DLG2: variants seen among roughly 807,000 people sequenced by gnomAD.
DLG2 encodes discs large MAGUK scaffold protein 2.
DLG2 carries 45 observed loss-of-function variants against 132.5 expected under a neutral mutation model. The observed-to-expected ratio is 0.34, with a 90% CI of 0.27 to 0.44. The LOEUF (loss-of-function observed/expected upper bound fraction) is 0.44, where lower values mean the gene tolerates loss of function less well. Among genes scored for constraint, DLG2 ranks in the 20% least tolerant of loss-of-function variants. The pLI is 1.00. For synonymous variants in DLG2, 424 were observed against 419.6 expected (o/e 1.01, Z -0.13); for missense variants, 1,045 against 1,196.9 (o/e 0.87, Z 1.87).
intron 7 of DLG2, among the ~76,000 whole-genome samples, chr11:84,508,045 T>C (rs556516159): frequency 1.2e-4 from 19 of 152,344 alleles, no homozygotes; most frequent in African/African-American, 4.6e-4. Context: ...AAATAATCCT[T>C]TTCAAAATAT....
chr11:85,540,208 C>G (rs928605632), intron 3 of DLG2, among the ~76,000 whole-genome samples: 2 of 152,200 alleles, frequency 1.3e-5, no homozygotes, highest in Non-Finnish European at 2.9e-5. Flanking sequence ...GTGAGGACAG[C>G]CACTCTTGTT....
At chr11:84,159,669 G>T (rs2095503632) in intron 9 of DLG2, among the ~76,000 whole-genome samples, 1 of 152,156 alleles carries the variant, frequency 6.6e-6, no homozygotes, top group Non-Finnish European at 1.5e-5. Context: ...AAGGTCTTAA[G>T]AATATAAGTG....
At chr11:84,078,858 C>T (rs368575342) in intron 10 of DLG2, among the ~76,000 whole-genome samples, 2 of 152,126 alleles carry the variant, frequency 1.3e-5, no homozygotes, top group Admixed American at 6.5e-5. Context: ...GTTCCATATC[C>T]ACGTTCAACT....
chr11:85,224,527 TGAA>T (rs2152621743), intron 4 of DLG2, among the ~76,000 whole-genome samples: 1 of 152,244 alleles, frequency 6.6e-6, no homozygotes, highest in East Asian at 1.9e-4. Flanking sequence ...TTAAACTTAG[TGAA>T]GAAGAGCTAA....
chr11:85,222,934 T>C (rs1391102129), intron 4 of DLG2, among the ~76,000 whole-genome samples: 1 of 152,116 alleles, frequency 6.6e-6, no homozygotes, highest in Non-Finnish European at 1.5e-5. Context: ...CAACAGTTTG[T>C]AAGAACCCAG....
At chr11:85,168,976 C>T (rs2078653819) in intron 4 of DLG2, among the ~76,000 whole-genome samples, 1 of 152,146 alleles carries the variant, frequency 6.6e-6, no homozygotes, top group Non-Finnish European at 1.5e-5. Context: ...CGGTCATCCC[C>T]TCAGTACCCA....
intron 5 of DLG2, among the ~76,000 whole-genome samples, chr11:85,139,886 A>G (rs2076356541): frequency 6.6e-6 from 1 of 152,042 alleles, no homozygotes; most frequent in African/African-American, 2.4e-5. Context: ...ACAGATAGAT[A>G]GATTCCACAT....
At chr11:85,609,080 G>C (rs1016337570) in intron 2 of DLG2, among the ~76,000 whole-genome samples, 1 of 152,138 alleles carries the variant, frequency 6.6e-6, no homozygotes. Flanking sequence ...CTGTTGACCT[G>C]TGTTCTAGAA....
At chr11:84,779,582 G>A (rs1483111515) in intron 6 of DLG2, among the ~76,000 whole-genome samples, 1 of 151,962 alleles carries the variant, frequency 6.6e-6, no homozygotes, top group Non-Finnish European at 1.5e-5. Context: ...GTTCTGGCTA[G>A]GACTTCCAGT....
intron 9 of DLG2, among the ~76,000 whole-genome samples, chr11:84,140,163 T>A (rs2094780264): frequency 6.6e-6 from 1 of 151,990 alleles, no homozygotes; most frequent in African/African-American, 2.4e-5. Context: ...AAGCTGTAAG[T>A]TAAAGATGTG....
intron 7 of DLG2, among the ~76,000 whole-genome samples, chr11:84,262,966 T>TA (rs1161595831): frequency 6.6e-6 from 1 of 152,104 alleles, no homozygotes; most frequent in African/African-American, 2.4e-5. Context: ...TGCATGGCTA[T>TA]AAAAAATCAG....
intron 11 of DLG2, among the ~76,000 whole-genome samples, chr11:84,038,284 G>A (rs955251345): frequency 6.6e-6 from 1 of 151,038 alleles, no homozygotes; most frequent in African/African-American, 2.4e-5. Flanking sequence ...TTATAAGGAA[G>A]TTAAACAAAT....
intron 17 of DLG2, among the ~76,000 whole-genome samples, chr11:83,833,304 G>A (rs371330601): frequency 2.6e-5 from 4 of 152,092 alleles, no homozygotes; most frequent in East Asian, 1.9e-4. Context: ...CGGATGTGGC[G>A]GTGGGCAGCT....
chr11:84,366,545 G>A (rs1039560971), intron 7 of DLG2, among the ~76,000 whole-genome samples: 4 of 152,114 alleles, frequency 2.6e-5, no homozygotes, highest in Admixed American at 6.6e-5. Flanking sequence ...AGACCCATCA[G>A]TGTGTTGTAT....
chr11:84,659,034 A>G (rs746005940), intron 6 of DLG2, among the ~76,000 whole-genome samples: 1 of 152,172 alleles, frequency 6.6e-6, no homozygotes, highest in Non-Finnish European at 1.5e-5. Context: ...ACTGTGAGAA[A>G]TAAATTTCTG....
intron 3 of DLG2, among the ~76,000 whole-genome samples, chr11:85,383,638 A>C (rs887983352): frequency 6.6e-6 from 1 of 152,208 alleles, no homozygotes; most frequent in Admixed American, 6.5e-5. Context: ...AACGTCAACT[A>C]TCCGGCATAA....
At chr11:83,677,919 C>T (rs1362034575) in intron 18 of DLG2, among the ~76,000 whole-genome samples, 2 of 152,182 alleles carry the variant, frequency 1.3e-5, no homozygotes, top group African/African-American at 4.8e-5. Flanking sequence ...TTCCTACAGG[C>T]GGAACCTCCC....
At chr11:84,429,157 A>G (rs1348001749) in intron 7 of DLG2, among the ~76,000 whole-genome samples, 2 of 152,200 alleles carry the variant, frequency 1.3e-5, no homozygotes, top group South Asian at 2.1e-4. Context: ...ATGGTCAAGG[A>G]AGTTCCAGAC....
At chr11:83,921,702 G>A (rs999287365) in intron 15 of DLG2, among the ~76,000 whole-genome samples, 1 of 152,118 alleles carries the variant, frequency 6.6e-6, no homozygotes, top group African/African-American at 2.4e-5. Flanking sequence ...TTTTGAAGCT[G>A]TGCTTATTCT....
Sources: gnomAD v4.1 joint callset for allele counts (sites outside exome capture counted in the v4.1 genomes callset) on GRCh38, gnomAD v4.1.1 for gene constraint, MANE v1.5 for transcripts, NCBI Gene and HGNC (gene_info 2026-07-23, HGNC 2026-07-21) for gene names.